The following LRBA variants were observed in gnomAD, a reference collection of about 807,000 sequenced individuals.
LRBA encodes the protein LPS responsive beige-like anchor protein, also known as lipopolysaccharide-responsive and beige-like anchor protein.
In LRBA, 176 loss-of-function variants were observed where a neutral mutation model predicts 330.0. The ratio of observed to expected loss-of-function variants is 0.53; its 90% CI spans 0.47 to 0.60. The LOEUF is 0.60. Among genes scored for constraint, LRBA ranks in the 20% least tolerant of loss-of-function variants. The pLI is 0.00. For synonymous variants in LRBA, 1,230 were observed against 1,193.0 expected, an observed-to-expected ratio of 1.03 and a Z score of -0.64; for missense variants, 3,259 against 3,444.8, an observed-to-expected ratio of 0.95 and a Z score of 1.35.
At chr4:150,706,787 C>T (rs1192209776) in intron 36 of LRBA, among the ~76,000 whole-genome samples, 2 of 151,550 alleles carry the variant, frequency 1.3e-5, no homozygotes, top group African/African-American at 4.8e-5. Flanking sequence ...CTGCAAAGGA[C>T]ATGCTCACAG....
chr4:150,446,846 TAGTCATCAA>T (rs1323491599), intron 44 of LRBA, among the ~76,000 whole-genome samples: 1 of 152,218 alleles, frequency 6.6e-6, no homozygotes, highest in Admixed American at 6.5e-5. Context: ...TATGTTGGGA[TAGTCATCAA>T]CATAGAGAAC....
At chr4:150,933,556 G>A (rs1459839327) in intron 2 of LRBA, among the ~76,000 whole-genome samples, 1 of 152,074 alleles carries the variant, frequency 6.6e-6, no homozygotes, top group Non-Finnish European at 1.5e-5. Flanking sequence ...ATAGACCTAT[G>A]CATGTGCTAA....
At position 150,525,363 on chromosome 4, in the gene LRBA, C is replaced by T. The variant is rs77511286; in HGVS notation, c.6331-34328G>A. ...TTTTCATAGCCCAAAAGATTCATTACTTTGATAACCATTTATCAGGGACTC... is the reference window on the plus strand; with the variant it reads ...TTTTCATAGCCCAAAAGATTCATTATTTTGATAACCATTTATCAGGGACTC... On this transcript the variant is annotated intron_variant, in intron 40 of 56. Transcript: ENST00000651943. Among the ~76,000 whole-genome samples the T allele has an allele frequency of 2.8e-3, 431 of 151,282 alleles. 21 individuals are homozygous for T. In the East Asian group the frequency reaches 0.073, roughly 26 times the overall value.
chr4:150,920,464 G>A (rs963936166), intron 5 of LRBA, among the ~76,000 whole-genome samples: 1 of 152,022 alleles, frequency 6.6e-6, no homozygotes, highest in African/African-American at 2.4e-5. Context: ...CAGAAGAATC[G>A]CTTGAAACCA....
chr4:150,321,118 T>C lies in LRBA; in HGVS notation c.7630+73A>G, dbSNP rs1732447764. 8.8e-6 allele frequency: 11 copies of C among 1,243,540 alleles called. No homozygotes were observed. The Admixed American group carries it at 1.3e-4, about 15-fold the overall frequency. 77.0% of individuals were successfully genotyped at this position (1,243,540 alleles called of 1,614,324 possible). On this transcript the variant is annotated intron_variant, in intron 50 of 56. Transcript: ENST00000651943. This position sits in a 1 kb window ranked among gnomAD's most constrained non-coding sequence, Gnocchi z 4.5. ...AAAATTAAAAGCTTAAATGTTGAGATATGCTATATTTAAGTGGGTATTACA... is the reference window on the plus strand; with the variant it reads ...AAAATTAAAAGCTTAAATGTTGAGACATGCTATATTTAAGTGGGTATTACA...
intron 40 of LRBA, among the ~76,000 whole-genome samples, chr4:150,567,084 T>C (rs1422504035): frequency 6.6e-6 from 1 of 152,182 alleles, no homozygotes; most frequent in Non-Finnish European, 1.5e-5. Flanking sequence ...GTATTTTTCA[T>C]GTGATTTGCT....
intron 34 of LRBA, among the ~76,000 whole-genome samples, chr4:150,768,762 C>T (rs1736125133): frequency 6.6e-6 from 1 of 151,590 alleles, no homozygotes; most frequent in Non-Finnish European, 1.5e-5. Flanking sequence ...ATGACAGACA[C>T]CAAAGCAAAC....
intron 2 of LRBA, among the ~76,000 whole-genome samples, chr4:151,002,847 G>A (rs1743535637): frequency 6.6e-6 from 1 of 151,122 alleles, no homozygotes; most frequent in Non-Finnish European, 1.5e-5. Context: ...GGGCAACATG[G>A]CAACTACCCC....
chr4:150,855,085 T>C (rs549297766), intron 22 of LRBA, among the ~76,000 whole-genome samples: 2 of 152,108 alleles, frequency 1.3e-5, no homozygotes, highest in East Asian at 1.9e-4. Context: ...TGGTGAAACA[T>C]TGTCTCTACT....
chr4:150,963,353 T>C (rs1334489950), intron 2 of LRBA, among the ~76,000 whole-genome samples: 1 of 149,146 alleles, frequency 6.7e-6, no homozygotes, highest in Non-Finnish European at 1.5e-5. Flanking sequence ...ACCTGACTGG[T>C]TTTCGTATTT....
chr4:150,566,747 C>T (rs1318915386), intron 40 of LRBA, among the ~76,000 whole-genome samples: 3 of 152,000 alleles, frequency 2.0e-5, no homozygotes, highest in East Asian at 3.9e-4. Context: ...TATTTAAATA[C>T]TCACAATCAA....
At chr4:150,455,551 T>A (rs775606871) in intron 44 of LRBA, among the ~76,000 whole-genome samples, 3 of 152,148 alleles carry the variant, frequency 2.0e-5, no homozygotes, top group Non-Finnish European at 2.9e-5. Flanking sequence ...AGGTACATAG[T>A]TTGTGTATAT....
At chr4:150,930,234 G>A (rs1229602890) in intron 2 of LRBA, among the ~76,000 whole-genome samples, 2 of 151,546 alleles carry the variant, frequency 1.3e-5, no homozygotes, top group Non-Finnish European at 1.5e-5. Context: ...AGAATCACTT[G>A]AACCTGAGTG....
intron 47 of LRBA, among the ~76,000 whole-genome samples, chr4:150,351,795 A>T (rs1737220231): frequency 6.6e-6 from 1 of 152,168 alleles, no homozygotes; most frequent in Non-Finnish European, 1.5e-5. Flanking sequence ...ATAGTACCAA[A>T]CCCTATACCT....
chr4:150,341,703 A>G (rs2127014304), intron 48 of LRBA, among the ~76,000 whole-genome samples: 1 of 151,324 alleles, frequency 6.6e-6, no homozygotes, highest in Middle Eastern at 3.4e-3. Context: ...TCACATTGCC[A>G]TATATATAAT....
intron 40 of LRBA, among the ~76,000 whole-genome samples, chr4:150,542,551 C>T (rs561873358): frequency 6.6e-6 from 1 of 152,178 alleles, no homozygotes; most frequent in Non-Finnish European, 1.5e-5. Context: ...CTGTCTTGCA[C>T]ATATCAAAAA....
At chr4:150,882,378 ATACTT>A (rs1365842961) in intron 17 of LRBA, among the ~76,000 whole-genome samples, 3 of 152,332 alleles carry the variant, frequency 2.0e-5, no homozygotes, top group South Asian at 2.1e-4. Context: ...GCACAAAAAA[ATACTT>A]TACACATTAA....
chr4:150,715,766 AT>A (rs1456415174), intron 36 of LRBA, among the ~76,000 whole-genome samples: 1 of 152,238 alleles, frequency 6.6e-6, no homozygotes, highest in African/African-American at 2.4e-5. Flanking sequence ...TTAATGAACA[AT>A]TACTAATAGA....
intron 17 of LRBA, among the ~76,000 whole-genome samples, chr4:150,878,796 G>A (rs1013016766): frequency 6.6e-6 from 1 of 150,516 alleles, no homozygotes; most frequent in African/African-American, 2.4e-5. Context: ...ACCCTGAACA[G>A]ACCAGGATTG....
Sources: gnomAD v4.1 joint callset for allele counts (sites outside exome capture counted in the v4.1 genomes callset) on GRCh38, gnomAD v4.1.1 for gene constraint, Gnocchi (gnomAD v3.1) non-coding constraint, MANE v1.5 for transcripts, NCBI Gene and HGNC (gene_info 2026-07-23, HGNC 2026-07-21) for gene names.